Variants in DTNA observed in about 807,000 individuals in gnomAD.
DTNA encodes dystrobrevin alpha, also known as dystrophin-related protein 3.
In DTNA, 43 loss-of-function variants were observed where a neutral mutation model predicts 100.7. That is an observed-to-expected ratio of 0.43 (90% CI 0.33 to 0.55). DTNA has a LOEUF of 0.55. Ranked by LOEUF, DTNA falls within the 20% of genes least tolerant of loss-of-function variation. DTNA has a pLI of 0.04. For missense variants in DTNA, 798 were observed against 953.9 expected, an observed-to-expected ratio of 0.84 and a Z score of 2.15; for synonymous variants, 349 against 347.9, an observed-to-expected ratio of 1.00 and a Z score of -0.04.
chr18:34,597,689 C>T (rs930062968), intron 1 of DTNA, among the ~76,000 whole-genome samples: 1 of 152,156 alleles, frequency 6.6e-6, no homozygotes, highest in Admixed American at 6.5e-5. Context: ...TTATCACCAA[C>T]ACTTCAATCA....
At chr18:34,660,638 C>G (rs184674111) in intron 1 of DTNA, among the ~76,000 whole-genome samples, 1 of 152,046 alleles carries the variant, frequency 6.6e-6, no homozygotes, top group South Asian at 2.1e-4. Context: ...ACAATCTAAT[C>G]TCTCTGAAGC....
At chr18:34,724,359 C>T (rs995164) in intron 1 of DTNA, among the ~76,000 whole-genome samples, 2 of 152,024 alleles carry the variant, frequency 1.3e-5, no homozygotes, top group Non-Finnish European at 2.9e-5. Flanking sequence ...GCTACTAAAG[C>T]GGTGTTTACT....
chr18:34,701,311 A>C (rs1234085811), intron 1 of DTNA, among the ~76,000 whole-genome samples: 1 of 152,188 alleles, frequency 6.6e-6, no homozygotes, highest in Non-Finnish European at 1.5e-5. Flanking sequence ...TTCCAAAGCC[A>C]GTGGATGTTT....
At chr18:34,493,860 T>G (rs1169048001) in intron 1 of DTNA, 1 of 147,626 alleles carries the variant, frequency 6.8e-6, no homozygotes, top group African/African-American at 2.5e-5. Context: ...GGTTCCCACC[T>G]GTGCGCCGGC....
intron 1 of DTNA, among the ~76,000 whole-genome samples, chr18:34,651,386 A>G (rs953541075): frequency 2.6e-5 from 4 of 152,132 alleles, no homozygotes; most frequent in African/African-American, 9.7e-5. Flanking sequence ...AGTCATTACT[A>G]TTTGATTTTG....
chr18:34,506,253 G>A (rs868588036), intron 1 of DTNA, among the ~76,000 whole-genome samples: 1 of 152,164 alleles, frequency 6.6e-6, no homozygotes, highest in South Asian at 2.1e-4. Context: ...ACCATCCCAG[G>A]AGAGAAGGAG....
intron 9 of DTNA, 146 bp from the exon 10 acceptor site, chr18:34,827,447 A>C (rs2095884501): frequency 2.6e-6 from 2 of 760,940 alleles, no homozygotes; most frequent in East Asian, 2.6e-5. Context: ...TAAGGAATTT[A>C]ATTGGAAAAT....
At chr18:34,559,769 T>A (rs1288672242) in intron 1 of DTNA, among the ~76,000 whole-genome samples, 2 of 152,180 alleles carry the variant, frequency 1.3e-5, no homozygotes, top group African/African-American at 4.8e-5. Flanking sequence ...GTAAACACAG[T>A]CTCAGAACTA....
intron 1 of DTNA, among the ~76,000 whole-genome samples, chr18:34,553,376 T>C (rs930422603): frequency 6.6e-6 from 1 of 150,826 alleles, no homozygotes; most frequent in African/African-American, 2.4e-5. Context: ...AGAAGCTCTT[T>C]AGTTTAATTA....
At chr18:34,697,333 C>T (rs1166705348) in intron 1 of DTNA, among the ~76,000 whole-genome samples, 5 of 152,218 alleles carry the variant, frequency 3.3e-5, no homozygotes, top group Admixed American at 2.0e-4. Flanking sequence ...AAGCCAACTC[C>T]TGTGAGGTCA....
At chr18:34,586,149 C>G (rs1166039855) in intron 1 of DTNA, among the ~76,000 whole-genome samples, 1 of 152,166 alleles carries the variant, frequency 6.6e-6, no homozygotes, top group African/African-American at 2.4e-5. Flanking sequence ...AAAACAACAG[C>G]AAGTTTGAAA....
intron 16 of DTNA, among the ~76,000 whole-genome samples, chr18:34,859,552 TTTGA>T (rs1220867423): frequency 6.6e-5 from 10 of 152,190 alleles, no homozygotes; most frequent in African/African-American, 2.4e-4. Context: ...TATGCAAACA[TTTGA>T]TTGGTTGCAG....
At chr18:34,518,220 G>A (rs1231965133) in intron 1 of DTNA, among the ~76,000 whole-genome samples, 6 of 152,054 alleles carry the variant, frequency 3.9e-5, no homozygotes, top group Non-Finnish European at 7.4e-5. Context: ...TCTGCCATCC[G>A]TGTAACCCCT....
At chr18:34,642,485 T>TTTCCTTCCTTCCTTCC (rs60259511) in intron 1 of DTNA, among the ~76,000 whole-genome samples, 1 of 151,818 alleles carries the variant, frequency 6.6e-6, no homozygotes, top group African/African-American at 2.4e-5. Flanking sequence ...GCTGGGTTGC[T>TTTCCTTCCTTCCTTCC]TTCCTTCCTT....
chr18:34,831,266 A>AAGGTTTCAC (rs1386664594), intron 11 of DTNA, among the ~76,000 whole-genome samples: 2 of 152,188 alleles, frequency 1.3e-5, no homozygotes, highest in East Asian at 3.9e-4. Flanking sequence ...ACATCATTTA[A>AAGGTTTCAC]AGGTTTCACA....
intron 1 of DTNA, among the ~76,000 whole-genome samples, chr18:34,694,024 CTG>C (rs2080170279): frequency 6.6e-6 from 1 of 152,048 alleles, no homozygotes; most frequent in Non-Finnish European, 1.5e-5. Flanking sequence ...TGTTTTATGA[CTG>C]TTTCCTGTTA....
At chr18:34,753,872 G>A (rs1291882619) in intron 1 of DTNA, among the ~76,000 whole-genome samples, 1 of 152,186 alleles carries the variant, frequency 6.6e-6, no homozygotes, top group Non-Finnish European at 1.5e-5. Flanking sequence ...TGAAATAAAG[G>A]AGATGAGGTT....
intron 1 of DTNA, among the ~76,000 whole-genome samples, chr18:34,688,295 A>G (rs1458568007): frequency 6.6e-6 from 1 of 152,064 alleles, no homozygotes; most frequent in Non-Finnish European, 1.5e-5. Flanking sequence ...TTTCCCTTGC[A>G]TATTTAGTGC....
intron 1 of DTNA, among the ~76,000 whole-genome samples, chr18:34,713,294 T>C (rs2083272171): frequency 6.6e-6 from 1 of 152,184 alleles, no homozygotes; most frequent in African/African-American, 2.4e-5. Flanking sequence ...TTCTCAGAAA[T>C]TAACCCTCAA....
Sources: gnomAD v4.1 joint callset for allele counts (sites outside exome capture counted in the v4.1 genomes callset) on GRCh38, gnomAD v4.1.1 for gene constraint, MANE v1.5 for transcripts, NCBI Gene and HGNC (gene_info 2026-07-23, HGNC 2026-07-21) for gene names.